Variants in SLC22A23 observed in about 807,000 individuals in gnomAD.
SLC22A23 encodes the protein ion transporter protein.
Under a neutral mutation model 61.0 loss-of-function variants are expected in SLC22A23, and 26 were observed. The ratio of observed to expected loss-of-function variants is 0.43; its 90% confidence interval spans 0.31 to 0.59. The LOEUF (loss-of-function observed/expected upper bound fraction) is 0.59. SLC22A23 is among the 20% of genes least tolerant of loss of function. The pLI is 0.11. For synonymous variants in SLC22A23, 430 were observed against 413.9 expected (o/e 1.04, Z -0.47); for missense variants, 796 against 934.7 (o/e 0.85, Z 1.94).
rs1763364502 is a variant in SLC22A23 at position 3,327,768 on chromosome 6, G to A, written c.914-3766C>T. Reference sequence around the variant, plus strand: ...TGCATATACATAACGAGATATCTTGGGCAAGGGACCCAAGTCTAAAAACAA... The same window carrying A: ...TGCATATACATAACGAGATATCTTGAGCAAGGGACCCAAGTCTAAAAACAA... On this transcript the variant is annotated intron_variant, in intron 3 of 9. Coordinates refer to ENST00000406686, the MANE Select transcript of SLC22A23 (RefSeq NM_015482.2). The surrounding 1 kb of genome is among the most constrained non-coding windows in gnomAD (Gnocchi z 4.1). 3.3e-5 allele frequency among the ~76,000 whole-genome samples: 5 copies of A among 152,018 alleles called. No homozygotes were observed. The highest frequency in any genetic ancestry group is 3.3e-4 in the Admixed American group (5 of 15,258).
At chr6:3,276,113 G>A (rs1758877218) in intron 9 of SLC22A23, among the ~76,000 whole-genome samples, 1 of 151,900 alleles carries the variant, frequency 6.6e-6, no homozygotes, top group Non-Finnish European at 1.5e-5. Flanking sequence ...TGGTGATTGT[G>A]TGTGTGTGTG....
intron 3 of SLC22A23, among the ~76,000 whole-genome samples, chr6:3,391,794 T>G (rs2127487682): frequency 6.6e-6 from 1 of 152,282 alleles, no homozygotes; most frequent in African/African-American, 2.4e-5. Flanking sequence ...TTAGACTAGC[T>G]AGCCTGAGAA....
chr6:3,334,643 G>A (rs187530182), intron 3 of SLC22A23, among the ~76,000 whole-genome samples: 6 of 152,352 alleles, frequency 3.9e-5, no homozygotes, highest in African/African-American at 1.4e-4. Context: ...CACCCACCAC[G>A]GTTGGCAGAG....
chr6:3,393,671 C>T (rs1767812453), intron 3 of SLC22A23, among the ~76,000 whole-genome samples: 1 of 152,246 alleles, frequency 6.6e-6, no homozygotes, highest in South Asian at 2.1e-4. Flanking sequence ...CATGTGACAA[C>T]CATTGCTCCA....
Position 3,330,055 on chromosome 6 carries a change from C to T in SLC22A23, c.914-6053G>A, listed in dbSNP as rs1413371114. Among the ~76,000 whole-genome samples the T allele has an allele frequency of 3.9e-5, 6 of 152,174 alleles. No homozygotes were observed. The highest frequency in any genetic ancestry group is 1.3e-4 in the Admixed American group (2 of 15,280). On this transcript the variant is annotated intron_variant, in intron 3 of 9. Transcript: ENST00000406686. This position sits in a 1 kb window ranked among gnomAD's most constrained non-coding sequence, Gnocchi z 4.7. ...AAGGCCGACTGGGCCACTAGGACACCGGGGCTTGGGGATCCCACCGCCCTG... is the reference window on the plus strand; with the variant it reads ...AAGGCCGACTGGGCCACTAGGACACTGGGGCTTGGGGATCCCACCGCCCTG...
chr6:3,395,028 G>C (rs1201941264), intron 3 of SLC22A23, among the ~76,000 whole-genome samples: 1 of 152,216 alleles, frequency 6.6e-6, no homozygotes, highest in Non-Finnish European at 1.5e-5. Context: ...GGTCACCAAG[G>C]TGGGGCTGGG....
intron 1 of SLC22A23, among the ~76,000 whole-genome samples, chr6:3,431,076 A>G (rs1770830710): frequency 6.6e-6 from 1 of 151,776 alleles, no homozygotes; most frequent in Non-Finnish European, 1.5e-5. Context: ...CAAAAAAAAA[A>G]AAAAAAAAAG....
At chr6:3,383,760 A>C (rs1196850568) in intron 3 of SLC22A23, among the ~76,000 whole-genome samples, 1 of 152,262 alleles carries the variant, frequency 6.6e-6, no homozygotes, top group South Asian at 2.1e-4. Flanking sequence ...CCAGCTCAGC[A>C]AAACAGGCAG....
chr6:3,281,931 T>A (rs1225488642), intron 9 of SLC22A23, among the ~76,000 whole-genome samples: 1 of 152,176 alleles, frequency 6.6e-6, no homozygotes, highest in Non-Finnish European at 1.5e-5. Flanking sequence ...TCTGAGAACA[T>A]GTTTGTTGAA....
chr6:3,436,484 TGCA>T (rs941365668), intron 1 of SLC22A23, among the ~76,000 whole-genome samples: 1 of 152,196 alleles, frequency 6.6e-6, no homozygotes, highest in Admixed American at 6.5e-5. Flanking sequence ...TTCTGCTACT[TGCA>T]GCATCCTGAC....
intron 3 of SLC22A23, among the ~76,000 whole-genome samples, chr6:3,335,635 T>C (rs1763811002): frequency 6.6e-6 from 1 of 152,188 alleles, no homozygotes; most frequent in African/African-American, 2.4e-5. Context: ...ATGCACAGCT[T>C]GGACTGGCAA....
intron 1 of SLC22A23, among the ~76,000 whole-genome samples, chr6:3,428,461 G>A (rs1223374587): frequency 6.6e-6 from 1 of 152,198 alleles, no homozygotes; most frequent in Non-Finnish European, 1.5e-5. Context: ...ACTGCAATCA[G>A]TGTCTCGGGC....
rs999448409 is a variant in SLC22A23, at chr6:3,324,361, T to A, written c.914-359A>T. 2.0e-5 allele frequency among the ~76,000 whole-genome samples: 3 copies of A among 152,190 alleles called. No homozygotes were observed. The highest frequency in any genetic ancestry group is 1.3e-4 in the Admixed American group (2 of 15,286). ...GTCACTGAGCTTGCTGTCCAGCACG[T>A]TCCCCCCTCGTGCCCATCCTGTCGC... On this transcript the variant is annotated intron_variant, in intron 3 of 9. Transcript: ENST00000406686. The surrounding 1 kb of genome is among the most constrained non-coding windows in gnomAD (Gnocchi z 4.3).
At chr6:3,429,707 G>A (rs928158463) in intron 1 of SLC22A23, among the ~76,000 whole-genome samples, 2 of 152,216 alleles carry the variant, frequency 1.3e-5, no homozygotes, top group Non-Finnish European at 2.9e-5. Context: ...GCACATGATG[G>A]AGGATTATTT....
rs527852069 is a variant in SLC22A23, at chr6:3,271,499, C to T, written c.*1556G>A. On this transcript the variant is annotated 3_prime_UTR_variant, in exon 10 of 10. Coordinates refer to ENST00000406686, the MANE Select transcript of SLC22A23 (RefSeq NM_015482.2). ...GGGAGAAGGTCAACCCCTTTTCTGC[C>T]CTGTGAATTCTAGCAACTGTCGGTT... is the stretch of plus-strand genomic sequence containing the variant. 2 of 152,492 alleles carry T rather than the reference C, an allele frequency of 1.3e-5. No individual in the cohort carries two copies. The highest frequency in any genetic ancestry group is 4.1e-4 in the South Asian group (2 of 4,824). 9.4% of individuals were successfully genotyped at this position (152,492 alleles called of 1,614,324 possible).
Position 3,309,945 on chromosome 6 carries a change from C to T in SLC22A23, c.1083-11727G>A, listed in dbSNP as rs1762255140. Reference sequence around the variant, plus strand: ...AACCTGGGACTTAAGGCCCCTAAACCTGTGGAGTTTTCCTACATCACACCA... The same window carrying T: ...AACCTGGGACTTAAGGCCCCTAAACTTGTGGAGTTTTCCTACATCACACCA... On this transcript the variant is annotated intron_variant, in intron 4 of 9. Coordinates refer to ENST00000406686, the MANE Select transcript of SLC22A23 (RefSeq NM_015482.2). The surrounding 1 kb of genome is among the most constrained non-coding windows in gnomAD (Gnocchi z 4.7). 6.6e-6 allele frequency among the ~76,000 whole-genome samples: 1 copy of T among 152,230 alleles called. No homozygotes were observed. Among genetic ancestry groups the T allele is most frequent in the African/African-American group, 2.4e-5 (1 of 41,454 alleles).
rs1333068740 is a variant in SLC22A23 at position 3,269,015 on chromosome 6, T to TA, written c.*4039dup. ...ATTAAAGAAATATTGTCATTTTCGT[T>TA]AAAAAATACATTAGAGAAGAGAGTT... On this transcript the variant is annotated 3_prime_UTR_variant, in exon 10 of 10. Coordinates refer to ENST00000406686, the MANE Select transcript of SLC22A23 (RefSeq NM_015482.2). The TA allele has an allele frequency of 6.6e-6, 1 of 152,340 alleles. No individual in the cohort carries two copies. The highest frequency in any genetic ancestry group is 6.5e-5 in the Admixed American group (1 of 15,278). The allele number at this position is 152,340 out of a possible 1,614,324, so 9.4% of individuals were successfully genotyped here.
In SLC22A23 at chr6:3,456,239, C is replaced by T. The variant is rs1200551103; in HGVS notation, c.321G>A (p.Ala107=). 2 of 1,551,424 alleles carry T rather than the reference C, an allele frequency of 1.3e-6. No homozygotes were observed. Among genetic ancestry groups the T allele is most frequent in the Non-Finnish European group, 1.7e-6 (2 of 1,146,838 alleles). ...KTLVLLTWIP[A]LFIGFSQFSD... ...AGAACTGGCTGAAGCCGATGAACAG[C>T]GCCGGGATCCAGGTGAGCAGCACGA... The change falls in exon 1 of 10, where the codon GCG becomes GCA. Residue 107 remains alanine (A), a synonymous_variant. Transcript: ENST00000406686. This position sits in a 1 kb window ranked among gnomAD's most constrained non-coding sequence, Gnocchi z 7.1.
chr6:3,393,006 G>A (rs1385834579), intron 3 of SLC22A23, among the ~76,000 whole-genome samples: 3 of 152,202 alleles, frequency 2.0e-5, no homozygotes, highest in Non-Finnish European at 4.4e-5. Flanking sequence ...CCAACCTTTG[G>A]AGGGAGGGCA....
Sources: allele counts gnomAD v4.1 joint callset (sites outside exome capture counted in the v4.1 genomes callset), GRCh38; gene constraint gnomAD v4.1.1; non-coding constraint Gnocchi (gnomAD v3.1); transcripts MANE v1.5; gene names NCBI Gene and HGNC (gene_info 2026-07-23, HGNC 2026-07-21).